Variants in CSMD2 observed in about 807,000 individuals in gnomAD.
CSMD2 encodes CUB and Sushi multiple domains 2, also known as CUB and sushi domain-containing protein 2.
In CSMD2, 130 loss-of-function variants were observed where a neutral mutation model predicts 398.5. The observed-to-expected ratio is 0.33, with a 90% CI of 0.28 to 0.38. The LOEUF is 0.38. CSMD2 is among the 10% of genes least tolerant of loss of function. CSMD2 has a pLI of 1.00. For synonymous variants in CSMD2, 1,828 were observed against 1,908.5 expected (o/e 0.96, Z 1.10); for missense variants, 3,829 against 4,764.9 (o/e 0.80, Z 5.78).
At chr1:33,906,607 T>TG (rs1643106356) in intron 5 of CSMD2, among the ~76,000 whole-genome samples, 1 of 151,984 alleles carries the variant, frequency 6.6e-6, no homozygotes, top group Admixed American at 6.6e-5. Flanking sequence ...GATAACTAGG[T>TG]GGGGAATGGT....
intron 4 of CSMD2, among the ~76,000 whole-genome samples, chr1:33,923,810 G>A (rs1644031351): frequency 6.6e-6 from 1 of 152,182 alleles, no homozygotes; most frequent in Non-Finnish European, 1.5e-5. Context: ...TGCACAGCAG[G>A]AGGTGAGTGT....
chr1:34,019,960 G>A (rs1397091351), intron 3 of CSMD2, among the ~76,000 whole-genome samples: 1 of 152,140 alleles, frequency 6.6e-6, no homozygotes, highest in Non-Finnish European at 1.5e-5. Context: ...ACCTGTCCTA[G>A]GAGCTGAGGA....
At chr1:33,999,682 C>T (rs976371370) in intron 3 of CSMD2, among the ~76,000 whole-genome samples, 3 of 152,260 alleles carry the variant, frequency 2.0e-5, no homozygotes, top group South Asian at 2.1e-4. Context: ...ACATAAGCTG[C>T]CATGCCTAAC....
chr1:34,117,812 G>A lies in CSMD2; in HGVS notation c.188-28619C>T, dbSNP rs12070623. ...TTTATGTTTGAAATGCAAAAATTTT[G>A]TTCAGCATATGAAAATCCATCAATA... On this transcript the variant is annotated intron_variant, in intron 1 of 70. Coordinates refer to ENST00000373381, the MANE Select transcript of CSMD2 (RefSeq NM_001281956.2). Among the ~76,000 whole-genome samples the A allele has an allele frequency of 7.7e-3, 1,172 of 152,240 alleles. 23 individuals are homozygous for A. Among genetic ancestry groups the A allele is most frequent in the African/African-American group, 0.027 (1,113 of 41,548 alleles).
At chr1:33,709,738 C>T (rs985293343) in intron 21 of CSMD2, among the ~76,000 whole-genome samples, 1 of 152,116 alleles carries the variant, frequency 6.6e-6, no homozygotes, top group Non-Finnish European at 1.5e-5. Context: ...ATGTGCAAAA[C>T]AGCACGATTG....
At chr1:34,075,990 G>A (rs1656276432) in intron 2 of CSMD2, among the ~76,000 whole-genome samples, 1 of 152,156 alleles carries the variant, frequency 6.6e-6, no homozygotes, top group African/African-American at 2.4e-5. Flanking sequence ...AGCTTCTATT[G>A]TAAATTTAAT....
At chr1:34,093,542 C>G (rs1051165621) in intron 1 of CSMD2, among the ~76,000 whole-genome samples, 1 of 151,702 alleles carries the variant, frequency 6.6e-6, no homozygotes, top group African/African-American at 2.4e-5. Context: ...ACTAGAATAA[C>G]CAATACAGAG....
At chr1:33,685,701 A>T (rs1415372344) in intron 25 of CSMD2, among the ~76,000 whole-genome samples, 1 of 152,082 alleles carries the variant, frequency 6.6e-6, no homozygotes, top group Admixed American at 6.5e-5. Context: ...TCTTACCCCT[A>T]GCTGGAAAGA....
rs1019356337 is a variant in CSMD2, at chr1:33,980,797, T to C, written c.518-44843A>G. Reference sequence around the variant, plus strand: ...TAATCATTGTTCTCACTGAAGATGATGAAACGAAGGAAAATGGAGAAGGAT... The same window carrying C: ...TAATCATTGTTCTCACTGAAGATGACGAAACGAAGGAAAATGGAGAAGGAT... On this transcript the variant is annotated intron_variant, in intron 3 of 70. Transcript: ENST00000373381. Among the ~76,000 whole-genome samples, 21 of 152,150 alleles carry C rather than the reference T, an allele frequency of 1.4e-4. 1 individual carries two copies.
In CSMD2 at chr1:33,559,185, C is replaced by A; in HGVS notation, c.8554+115G>T. The A allele has an allele frequency of 1.1e-6, 1 of 947,488 alleles. No homozygotes were observed. The highest frequency in any genetic ancestry group is 1.5e-6 in the Non-Finnish European group (1 of 645,600). The allele number at this position is 947,488 out of a possible 1,614,324, so 58.7% of individuals were successfully genotyped here. ...TTATGACCCTTCTCTGCTCCATCTT[C>A]CCTATCTGGATCAGAATGATGCCAG... is the stretch of plus-strand genomic sequence containing the variant. On this transcript the variant is annotated intron_variant, in intron 54 of 70. Coordinates refer to ENST00000373381, the MANE Select transcript of CSMD2 (RefSeq NM_001281956.2). This position sits in a 1 kb window ranked among gnomAD's most constrained non-coding sequence, Gnocchi z 4.0.
intron 5 of CSMD2, among the ~76,000 whole-genome samples, chr1:33,876,401 T>C (rs1260817346): frequency 2.0e-5 from 3 of 152,184 alleles, no homozygotes; most frequent in African/African-American, 7.2e-5. Context: ...ACTTTATTCT[T>C]ATGTATAATG....
intron 3 of CSMD2, among the ~76,000 whole-genome samples, chr1:33,965,307 T>C (rs1645518728): frequency 6.6e-6 from 1 of 152,208 alleles, no homozygotes; most frequent in Non-Finnish European, 1.5e-5. Context: ...CAGGGCCTCA[T>C]CATTCTTGTC....
At chr1:34,151,165 C>G (rs910876324) in intron 1 of CSMD2, among the ~76,000 whole-genome samples, 5 of 152,310 alleles carry the variant, frequency 3.3e-5, no homozygotes, top group Admixed American at 6.5e-5. Flanking sequence ...CCCTCTCCCC[C>G]TCTGCTGTGC....
chr1:33,718,905 T>C (rs1646262560), intron 19 of CSMD2, among the ~76,000 whole-genome samples: 1 of 152,230 alleles, frequency 6.6e-6, no homozygotes, highest in Admixed American at 6.5e-5. Flanking sequence ...ACAGAAGCGA[T>C]GGGACCAAAG....
chr1:34,126,249 G>C (rs1662724969), intron 1 of CSMD2, among the ~76,000 whole-genome samples: 1 of 152,114 alleles, frequency 6.6e-6, no homozygotes, highest in African/African-American at 2.4e-5. Flanking sequence ...TCAACCTAAG[G>C]CACTTCCGGC....
chr1:33,677,822 G>A (rs1191533641), intron 25 of CSMD2, among the ~76,000 whole-genome samples: 1 of 151,816 alleles, frequency 6.6e-6, no homozygotes, highest in African/African-American at 2.4e-5. Flanking sequence ...CATGGATGAA[G>A]CTGGGAACCA....
chr1:33,865,641 G>C (rs1237801196), intron 5 of CSMD2, among the ~76,000 whole-genome samples: 1 of 152,114 alleles, frequency 6.6e-6, no homozygotes, highest in Non-Finnish European at 1.5e-5. Flanking sequence ...GGAGTCCTGG[G>C]GGACACCGCA....
chr1:34,022,510 A>T (rs1241449847), intron 3 of CSMD2, among the ~76,000 whole-genome samples: 1 of 152,224 alleles, frequency 6.6e-6, no homozygotes, highest in Non-Finnish European at 1.5e-5. Context: ...AGGAACAGAA[A>T]ATACACGAGT....
At chr1:33,703,196 C>G (rs1645667679) in intron 22 of CSMD2, among the ~76,000 whole-genome samples, 1 of 152,064 alleles carries the variant, frequency 6.6e-6, no homozygotes, top group Non-Finnish European at 1.5e-5. Context: ...CAAGAATTTT[C>G]CTGAATTATA....
Sources: allele counts gnomAD v4.1 joint callset (sites outside exome capture counted in the v4.1 genomes callset), GRCh38; gene constraint gnomAD v4.1.1; non-coding constraint Gnocchi (gnomAD v3.1); transcripts MANE v1.5; gene names NCBI Gene and HGNC (gene_info 2026-07-23, HGNC 2026-07-21).